CNBD1: variants seen among roughly 807,000 people sequenced by gnomAD.
The protein encoded by CNBD1 is cyclic nucleotide binding domain containing 1, also known as cyclic nucleotide-binding domain-containing protein 1.
A neutral mutation model predicts 54.4 loss-of-function variants in CNBD1; 71 were observed. The observed-to-expected ratio is 1.30, with a 90% CI of 1.08 to 1.59. CNBD1 has a LOEUF of 1.59. CNBD1 is among the 40% of genes most tolerant of loss of function. The pLI, the probability that CNBD1 is intolerant of heterozygous loss-of-function variation, is 0.00. For missense variants in CNBD1, 659 were observed against 518.0 expected, an observed-to-expected ratio of 1.27 and a Z score of -2.64; for synonymous variants, 182 against 170.7, an observed-to-expected ratio of 1.07 and a Z score of -0.51.
At chr8:87,375,528 C>A (rs4602902) in intron 10 of CNBD1, among the ~76,000 whole-genome samples, 2,870 of 151,788 alleles carry the variant, frequency 0.019, 92 homozygotes, top group African/African-American at 0.063. Flanking sequence ...GAAGCCATAG[C>A]ATTCCTTATA....
chr8:87,167,899 C>T (rs1440746160), intron 4 of CNBD1, among the ~76,000 whole-genome samples: 1 of 151,812 alleles, frequency 6.6e-6, no homozygotes, highest in Non-Finnish European at 1.5e-5. Context: ...TTTACACAAA[C>T]CTGATAATAC....
intron 8 of CNBD1, among the ~76,000 whole-genome samples, chr8:87,323,585 A>G (rs1344955677): frequency 1.6e-5 from 2 of 124,684 alleles, no homozygotes; most frequent in Admixed American, 7.8e-5. Context: ...GAGTTCACTC[A>G]TGATTTGGCT....
downstream of CNBD1, among the ~76,000 whole-genome samples, chr8:87,387,180 G>C (rs991464378): frequency 4.6e-5 from 7 of 152,236 alleles, no homozygotes; most frequent in South Asian, 2.1e-4. Flanking sequence ...ATCGAGGTTA[G>C]GAAGAAACTG....
intron 4 of CNBD1, among the ~76,000 whole-genome samples, chr8:87,184,003 G>A (rs1284520091): frequency 2.6e-5 from 4 of 152,202 alleles, no homozygotes; most frequent in South Asian, 2.1e-4. Context: ...TGCCATACAC[G>A]TGTGCACTGC....
At chr8:87,268,631 T>G (rs763306889) in intron 6 of CNBD1, among the ~76,000 whole-genome samples, 1 of 152,152 alleles carries the variant, frequency 6.6e-6, no homozygotes, top group East Asian at 1.9e-4. Flanking sequence ...CCATTTTGAC[T>G]GGTGTGAGAT....
intron 4 of CNBD1, among the ~76,000 whole-genome samples, chr8:87,179,697 T>C (rs553107054): frequency 4.6e-5 from 7 of 152,242 alleles, no homozygotes; most frequent in African/African-American, 1.7e-4. Context: ...TATATTGGAG[T>C]TGTCCTTTTA....
intron 10 of CNBD1, among the ~76,000 whole-genome samples, chr8:87,370,718 G>T (rs1394482709): frequency 6.7e-6 from 1 of 149,528 alleles, no homozygotes; most frequent in East Asian, 2.0e-4. Context: ...CTGTGCAGAA[G>T]CTCTTTAGTT....
chr8:87,116,024 T>C (rs1157253414), intron 4 of CNBD1, among the ~76,000 whole-genome samples: 1 of 152,098 alleles, frequency 6.6e-6, no homozygotes, highest in Non-Finnish European at 1.5e-5. Flanking sequence ...CTTGGAACAC[T>C]CTCTTCACTT....
intron 4 of CNBD1, among the ~76,000 whole-genome samples, chr8:87,050,302 G>C (rs1037687046): frequency 2.0e-5 from 3 of 152,182 alleles, no homozygotes; most frequent in Admixed American, 6.5e-5. Flanking sequence ...TCTGACAGGA[G>C]TAAACCTAGG....
rs78312404 is a variant in CNBD1 at position 87,169,564 on chromosome 8, T to C, written c.432-36429T>C. On this transcript the variant is annotated intron_variant, in intron 4 of 10. Coordinates refer to ENST00000518476, the MANE Select transcript of CNBD1 (RefSeq NM_173538.3). ...AGGTCTTAGAGTTAAGTCTTCAACC[T>C]ATTTTGATTTTATTTTTGTATACAG... Among the ~76,000 whole-genome samples the C allele has an allele frequency of 5.8e-3, 885 of 152,190 alleles. 6 individuals are homozygous for C. Among genetic ancestry groups the C allele is most frequent in the African/African-American group, 0.02 (844 of 41,560 alleles).
At chr8:87,068,855 C>G (rs1383719838) in intron 4 of CNBD1, among the ~76,000 whole-genome samples, 1 of 151,996 alleles carries the variant, frequency 6.6e-6, no homozygotes, top group African/African-American at 2.4e-5. Context: ...TTGTTGTACC[C>G]TTGGAGGAGG....
rs531681838 is a variant in CNBD1, at chr8:86,919,953, A to C, written c.272+14759A>C. Among the ~76,000 whole-genome samples the C allele has an allele frequency of 2.0e-5, 3 of 152,212 alleles. No homozygotes were observed. The South Asian group carries it at 6.2e-4, about 32-fold the overall frequency. ...TGATCCTAATGATACTGGTTCATGG[A>C]CCACAATTTGAACAGCAAGTTTACT... On this transcript the variant is annotated intron_variant, in intron 3 of 10. Coordinates refer to ENST00000518476, the MANE Select transcript of CNBD1 (RefSeq NM_173538.3).
chr8:87,001,544 C>T (rs1361072664), intron 4 of CNBD1, among the ~76,000 whole-genome samples: 1 of 152,114 alleles, frequency 6.6e-6, no homozygotes, highest in African/African-American at 2.4e-5. Context: ...TTGAGGCCAG[C>T]TGTTCTTTCT....
At position 87,234,042 on chromosome 8, in the gene CNBD1, A is replaced by G. The variant is rs543718828; in HGVS notation, c.578-2877A>G. Among the ~76,000 whole-genome samples the G allele has an allele frequency of 8.1e-4, 123 of 152,344 alleles. 1 individual carries two copies. Among genetic ancestry groups the G allele is most frequent in the Middle Eastern group, 6.8e-3 (2 of 294 alleles). ...AAGAAACCACTTTCTTTGTTCATCC[A>G]TAAGAAGCAACTCCTTATTTGGTTT... On this transcript the variant is annotated intron_variant, in intron 5 of 10. Coordinates refer to ENST00000518476, the MANE Select transcript of CNBD1 (RefSeq NM_173538.3).
chr8:87,238,066 AT>A (rs60115832), intron 6 of CNBD1, among the ~76,000 whole-genome samples: 2,424 of 136,448 alleles, frequency 0.018, 69 homozygotes, highest in African/African-American at 0.068. Context: ...TCAAAGACCG[AT>A]TTTTTTTTTT....
At chr8:87,293,748 A>G (rs914954289) in intron 8 of CNBD1, among the ~76,000 whole-genome samples, 7 of 152,224 alleles carry the variant, frequency 4.6e-5, no homozygotes, top group Admixed American at 3.9e-4. Flanking sequence ...ATTATCTAAC[A>G]TAATAAATAT....
intron 3 of CNBD1, among the ~76,000 whole-genome samples, chr8:86,926,959 G>A (rs566932865): frequency 1.8e-4 from 28 of 152,106 alleles, no homozygotes; most frequent in Non-Finnish European, 4.0e-4. Flanking sequence ...GCACTGATAG[G>A]GTCTGATTTC....
chr8:87,253,347 CT>C (rs1218897024), intron 6 of CNBD1, among the ~76,000 whole-genome samples: 4 of 152,082 alleles, frequency 2.6e-5, no homozygotes, highest in Non-Finnish European at 5.9e-5. Context: ...CATAGTGTTT[CT>C]TCCCTGGCAT....
chr8:87,411,166 T>C (rs541247155), intron 2 of CNBD1, among the ~76,000 whole-genome samples: 148 of 151,858 alleles, frequency 9.7e-4, no homozygotes, highest in Non-Finnish European at 1.8e-3. Flanking sequence ...TCATTATTGC[T>C]TTACTTACCT....
Sources: gnomAD v4.1 joint callset for allele counts (sites outside exome capture counted in the v4.1 genomes callset) on GRCh38, gnomAD v4.1.1 for gene constraint, MANE v1.5 for transcripts, NCBI Gene and HGNC (gene_info 2026-07-23, HGNC 2026-07-21) for gene names.